ZFP62: variants seen among roughly 807,000 people sequenced by gnomAD.
ZFP62 encodes the protein ZFP62 zinc finger protein, also known as zinc finger protein 62 homolog.
A neutral mutation model predicts 56.4 loss-of-function variants in ZFP62; 44 were observed. The observed-to-expected ratio is 0.78, with a 90% CI of 0.61 to 1.00. The LOEUF is 1.00. Among genes scored for constraint, ZFP62 ranks in the 50% least tolerant of loss-of-function variants. ZFP62 has a pLI of 0.00. For synonymous variants in ZFP62, 421 were observed against 388.9 expected, an observed-to-expected ratio of 1.08 and a Z score of -0.97; for missense variants, 1,030 against 1,085.7, an observed-to-expected ratio of 0.95 and a Z score of 0.72.
At chr5:180,831,631 G>A in the ZFP62 span, 1 of 152,670 alleles carries the variant, frequency 6.6e-6, no homozygotes, top group African/African-American at 2.4e-5. Context: ...CGGGAGGCGG[G>A]GCCTGGCCGA....
rs138541087 is a variant in ZFP62 at position 180,849,584 on chromosome 5, C to A, written c.1911G>T (p.Arg637Ser). The A allele has an allele frequency of 2.4e-5, 37 of 1,551,828 alleles. No homozygotes were observed. The highest frequency in any genetic ancestry group is 3.1e-5 in the Non-Finnish European group (35 of 1,147,066). The change falls in exon 2 of 2, where the codon AGG becomes AGT. Residue 637 changes from arginine (R) to serine (S), a missense_variant. Arg to Ser is a moderately radical substitution (Grantham distance 110, BLOSUM62 -1). Coordinates refer to ENST00000502412, the MANE Select transcript of ZFP62 (RefSeq NM_001172638.2). ...NYTSLLSQHR[R>S]VHTREKPYEC... ...CATAGGGTTTCTCTCTAGTGTGGAC[C>A]CTTCTGTGCTGAGAAAGGAGCGATG...
rs745937989 is a variant in ZFP62, at chr5:180,850,959, C to T, written c.536G>A (p.Arg179Gln). The change falls in exon 2 of 2, where the codon CGG (arginine) becomes CAG (glutamine). Residue 179 changes from arginine to glutamine, a missense_variant. Physicochemically the swap from Arg to Gln is conservative, Grantham distance 43 (BLOSUM62 1). Transcript: ENST00000502412. ...YECDDCGGTF[R>Q]SSSSLRVHKR... ...GTGGACCCGAAGGCTCGAGCTGCTCCGGAAAGTCCCTCCACAGTCATCACA... is the reference window on the plus strand; with the variant it reads ...GTGGACCCGAAGGCTCGAGCTGCTCTGGAAAGTCCCTCCACAGTCATCACA... 5.9e-5 allele frequency: 91 copies of T among 1,554,238 alleles called. No homozygotes were observed. The highest frequency in any genetic ancestry group is 1.7e-4 in the Middle Eastern group (1 of 5,998).
Position 180,850,941 on chromosome 5 carries a change from C to T in ZFP62, c.554G>A (p.Arg185Gln), listed in dbSNP as rs372515659. 2.5e-4 allele frequency: 385 copies of T among 1,557,366 alleles called. No individual in the cohort carries two copies. The highest frequency in any genetic ancestry group is 2.7e-4 in the African/African-American group (20 of 73,190). Residue 185 changes from arginine to glutamine, a missense_variant, in exon 2 of 2, where the codon CGG (arginine) becomes CAG (glutamine). Coordinates refer to ENST00000502412, the MANE Select transcript of ZFP62 (RefSeq NM_001172638.2). Reference sequence around the variant, plus strand: ...CCCAGTGTGGATCCGTTTGTGGACCCGAAGGCTCGAGCTGCTCCGGAAAGT... The same window carrying T: ...CCCAGTGTGGATCCGTTTGTGGACCTGAAGGCTCGAGCTGCTCCGGAAAGT... ...GGTFRSSSSL[R>Q]VHKRIHTGEK...
intron 1 of ZFP62, among the ~76,000 whole-genome samples, chr5:180,855,571 C>T (rs113048074): frequency 0.038 from 5,744 of 152,166 alleles, 387 homozygotes; most frequent in African/African-American, 0.13. Flanking sequence ...TCCCACACAC[C>T]GTCTCAGGTC....
chr5:180,860,133 A>G (rs1045534269), intron 1 of ZFP62, among the ~76,000 whole-genome samples: 1 of 152,234 alleles, frequency 6.6e-6, no homozygotes, highest in Non-Finnish European at 1.5e-5. Flanking sequence ...AAGGAGTTAG[A>G]AGGATTTCTA....
At chr5:180,858,223 C>A (rs1459407815) in intron 1 of ZFP62, among the ~76,000 whole-genome samples, 2 of 113,422 alleles carry the variant, frequency 1.8e-5, no homozygotes, top group African/African-American at 6.7e-5. Context: ...TGCCATTGCA[C>A]TTCAGCCTGG....
Position 180,848,040 on chromosome 5 carries a change from C to T in ZFP62, c.*752G>A. 3 of 985,334 alleles carry T rather than the reference C, an allele frequency of 3.0e-6. No individual in the cohort carries two copies. The highest frequency in any genetic ancestry group is 3.6e-6 in the Non-Finnish European group (3 of 829,904). 61.0% of individuals were successfully genotyped at this position (985,334 alleles called of 1,614,324 possible). A position where few individuals can be genotyped will look rare whatever the true frequency, so the allele number is the denominator to read the frequency against. ...GTGTGAATACCACTTCCAGGTTATC[C>T]CTCATCACAAATTCATCATTCATTA... is the stretch of plus-strand genomic sequence containing the variant. On this transcript the variant is annotated 3_prime_UTR_variant, in exon 2 of 2. Transcript: ENST00000502412.
the ZFP62 span, among the ~76,000 whole-genome samples, chr5:180,827,645 G>A: frequency 6.6e-6 from 1 of 152,184 alleles, no homozygotes; most frequent in South Asian, 2.1e-4. Context: ...TGGCCTCATG[G>A]GAAGGGAAAG....
rs1246860837 is a variant in ZFP62, at chr5:180,848,974, G to A, written c.2521C>T (p.Arg841Ter). 11 of 1,551,766 alleles carry A rather than the reference G, an allele frequency of 7.1e-6. No individual in the cohort carries two copies. The highest frequency in any genetic ancestry group is 1.7e-4 in the Middle Eastern group (1 of 5,994). ...KRIHTGKKPY[R>*]CNECGKAFNI... is the part of the protein sequence containing the mutation. ...AAAGCCTTACCACACTCATTACATCGGTATGGCTTCTTTCCAGTGTGGATC... is the reference window on the plus strand; with the variant it reads ...AAAGCCTTACCACACTCATTACATCAGTATGGCTTCTTTCCAGTGTGGATC... The change falls in exon 2 of 2, where the codon CGA becomes TGA. Residue 841 changes from arginine (R) to a stop codon, truncating the protein, a stop_gained. Transcript: ENST00000502412. LOFTEE classifies it high-confidence loss of function.
intron 1 of ZFP62, among the ~76,000 whole-genome samples, chr5:180,852,554 C>CAA (rs36030316): frequency 7.7e-4 from 84 of 109,438 alleles, no homozygotes; most frequent in African/African-American, 2.8e-3. Flanking sequence ...CTCCGTCTCA[C>CAA]AAAAAAAAAA....
At chr5:180,852,943 T>C (rs1249383802) in intron 1 of ZFP62, among the ~76,000 whole-genome samples, 1 of 152,256 alleles carries the variant, frequency 6.6e-6, no homozygotes, top group Non-Finnish European at 1.5e-5. Context: ...CAATACACTG[T>C]TGATAAGGCT....
chr5:180,861,123 C>T (rs1443699606), intron 1 of ZFP62, 96 bp downstream of exon 1: 4 of 398,650 alleles, frequency 1.0e-5, no homozygotes, highest in African/African-American at 2.1e-5. Context: ...ACATCCCGCC[C>T]GAGACCCGCG....
In ZFP62 at chr5:180,847,754, TC is replaced by T; in HGVS notation, c.*1037del. On this transcript the variant is annotated 3_prime_UTR_variant, in exon 2 of 2. Coordinates refer to ENST00000502412, the MANE Select transcript of ZFP62 (RefSeq NM_001172638.2). Reference sequence around the variant, plus strand: ...CAACATATACATGTCCTGCATGACATCTTTACAATAACACATTCCAAAAACA... The same window carrying T: ...CAACATATACATGTCCTGCATGACATTTTACAATAACACATTCCAAAAACA... The T allele has an allele frequency of 1.0e-6, 1 of 985,476 alleles. No individual in the cohort carries two copies. Among genetic ancestry groups the T allele is most frequent in the East Asian group, 1.1e-4 (1 of 8,820 alleles). 61.0% of individuals were successfully genotyped at this position (985,476 alleles called of 1,614,324 possible). A position where few individuals can be genotyped will look rare whatever the true frequency, so the allele number is the denominator to read the frequency against.
chr5:180,853,585 TAAAAC>T (rs1023698480), intron 1 of ZFP62, among the ~76,000 whole-genome samples: 16 of 152,188 alleles, frequency 1.1e-4, no homozygotes, highest in African/African-American at 3.9e-4. Context: ...GAAAAACTGC[TAAAAC>T]AAAACAAATC....
At chr5:180,856,136 A>G (rs1282670926) in intron 1 of ZFP62, among the ~76,000 whole-genome samples, 1 of 152,152 alleles carries the variant, frequency 6.6e-6, no homozygotes, top group Non-Finnish European at 1.5e-5. Context: ...TTTGCCACTT[A>G]CCTCTCTAAC....
chr5:180,836,484 C>T, the ZFP62 span, among the ~76,000 whole-genome samples: 1 of 152,210 alleles, frequency 6.6e-6, no homozygotes, highest in Non-Finnish European at 1.5e-5. Context: ...TCTCACTCCT[C>T]ATAAGGACAA....
At chr5:180,840,689 G>A in the ZFP62 span, among the ~76,000 whole-genome samples, 1 of 152,038 alleles carries the variant, frequency 6.6e-6, no homozygotes, top group East Asian at 1.9e-4. Context: ...CCTGGAGGTG[G>A]AGGTTGCAGT....
At chr5:180,833,672 ATTT>A in the ZFP62 span, among the ~76,000 whole-genome samples, 3 of 138,414 alleles carry the variant, frequency 2.2e-5, no homozygotes, top group African/African-American at 2.7e-5. Flanking sequence ...ATGACACGGT[ATTT>A]TTTTTTTTTT....
chr5:180,846,581 A>G (rs1773418008), downstream of ZFP62, among the ~76,000 whole-genome samples: 2 of 150,384 alleles, frequency 1.3e-5, no homozygotes, highest in African/African-American at 2.5e-5. Context: ...GCACTTCCGT[A>G]GCTGCCTTTA....
Sources: gnomAD v4.1 joint callset for allele counts (sites outside exome capture counted in the v4.1 genomes callset) on GRCh38, gnomAD v4.1.1 for gene constraint, MANE v1.5 for transcripts, NCBI Gene and HGNC (gene_info 2026-07-23, HGNC 2026-07-21) for gene names.